Variants in ASB1 observed in about 807,000 individuals in gnomAD.
ASB1 encodes the protein ankyrin repeat and SOCS box containing 1.
ASB1 carries 18 observed loss-of-function variants against 27.7 expected under a neutral mutation model. The observed-to-expected ratio is 0.65, with a 90% CI of 0.45 to 0.96. The LOEUF is 0.96. Ranked by LOEUF, ASB1 falls within the 50% of genes least tolerant of loss-of-function variation. ASB1 has a pLI of 0.00. For missense variants in ASB1, 397 were observed against 451.7 expected, an observed-to-expected ratio of 0.88 and a Z score of 1.10; for synonymous variants, 189 against 187.6, an observed-to-expected ratio of 1.01 and a Z score of -0.06.
At position 238,433,630 on chromosome 2, in the gene ASB1, T is replaced by C; in HGVS notation, c.126T>C (p.His42=). 1 of 1,614,120 alleles carries C rather than the reference T, an allele frequency of 6.2e-7. No individual in the cohort carries two copies. The highest frequency in any genetic ancestry group is 8.5e-7 in the Non-Finnish European group (1 of 1,180,002). The part of the protein sequence containing the change: ...PLEHCEDTRL[H]DAAYVGDLQT... ...AGCACTGTGAGGACACGAGGCTCCA[T>C]GATGCAGCTTACGTCGGGGACCTCC... The change falls in exon 2 of 5, where the codon CAT becomes CAC. Residue 42 remains histidine, a synonymous_variant. Coordinates refer to ENST00000264607, the MANE Select transcript of ASB1 (RefSeq NM_001040445.3).
chr2:238,445,672 G>A (rs1702166557), intron 4 of ASB1, among the ~76,000 whole-genome samples: 1 of 152,146 alleles, frequency 6.6e-6, no homozygotes, highest in Non-Finnish European at 1.5e-5. Flanking sequence ...CCCAGTCTGG[G>A]TCTTGAGACA....
chr2:238,445,475 T>C (rs1378058004), intron 4 of ASB1, among the ~76,000 whole-genome samples: 1 of 152,230 alleles, frequency 6.6e-6, no homozygotes, highest in African/African-American at 2.4e-5. Context: ...CTAAATTTTG[T>C]AACAATAAAG....
intron 1 of ASB1, among the ~76,000 whole-genome samples, chr2:238,432,206 TA>T: frequency 6.6e-6 from 1 of 152,280 alleles, no homozygotes; most frequent in South Asian, 2.1e-4. Flanking sequence ...GTACACTTAC[TA>T]AAAACCAAAA....
rs187315279 is a variant in ASB1 at position 238,446,035 on chromosome 2, G to A, written c.881-349G>A. Among the ~76,000 whole-genome samples, 339 of 152,352 alleles carry A rather than the reference G, an allele frequency of 2.2e-3. 1 individual carries two copies. The highest frequency in any genetic ancestry group is 7.5e-3 in the African/African-American group (311 of 41,578). ...GGGAAGGGGCTGACAGAGGCTGGGC[G>A]TCCGCGGCCCGCACCTGCTGGGGCC... On this transcript the variant is annotated intron_variant, in intron 4 of 4. Coordinates refer to ENST00000264607, the MANE Select transcript of ASB1 (RefSeq NM_001040445.3).
At chr2:238,427,319 TCTC>T (rs1574998772) in intron 1 of ASB1, 200 bp downstream of exon 1, 2 of 382,052 alleles carry the variant, frequency 5.2e-6, no homozygotes, top group Non-Finnish European at 4.6e-6. Flanking sequence ...CGCGCTGCCC[TCTC>T]CTCGGCCTCG....
chr2:238,436,589 C>T (rs1366398731), intron 3 of ASB1, among the ~76,000 whole-genome samples: 1 of 152,110 alleles, frequency 6.6e-6, no homozygotes, highest in Non-Finnish European at 1.5e-5. Context: ...GCCTCAAACT[C>T]CTGGGCTCAA....
At chr2:238,435,008 C>T (rs533831323) in intron 2 of ASB1, among the ~76,000 whole-genome samples, 9 of 152,260 alleles carry the variant, frequency 5.9e-5, no homozygotes, top group African/African-American at 2.2e-4. Context: ...TGGTTTGGTG[C>T]TCTGGGCCTC....
chr2:238,444,116 A>G (rs1189931985), intron 3 of ASB1, among the ~76,000 whole-genome samples: 1 of 152,198 alleles, frequency 6.6e-6, no homozygotes, highest in Non-Finnish European at 1.5e-5. Flanking sequence ...GGTTTGAAGG[A>G]CTTCCCTTAG....
At position 238,448,803 on chromosome 2, in the gene ASB1, C is replaced by A. The variant is rs925072240; in HGVS notation, c.*2292C>A. The A allele has an allele frequency of 2.0e-5, 3 of 152,460 alleles. No individual in the cohort carries two copies. Among genetic ancestry groups the A allele is most frequent in the Admixed American group, 2.0e-4 (3 of 15,292 alleles). 9.4% of individuals were successfully genotyped at this position (152,460 alleles called of 1,614,324 possible). On this transcript the variant is annotated 3_prime_UTR_variant, in exon 5 of 5. Transcript: ENST00000264607. ...ATGGGCGTCATGCTCCTTTGCACAG[C>A]CCAGGGCCTGTTTTGGAGGGACCAG...
chr2:238,432,263 TG>T (rs1701884538), intron 1 of ASB1, among the ~76,000 whole-genome samples: 1 of 152,232 alleles, frequency 6.6e-6, no homozygotes, highest in African/African-American at 2.4e-5. Context: ...GAATATTTTT[TG>T]TGACATCTGA....
chr2:238,435,593 G>A (rs1388434125), intron 2 of ASB1, 118 bp from the exon 3 acceptor site: 25 of 1,051,410 alleles, frequency 2.4e-5, no homozygotes, highest in Non-Finnish European at 3.2e-5. Flanking sequence ...CAGAGCCCAG[G>A]TGGAGGCGTT....
chr2:238,439,530 C>T (rs150549384), intron 3 of ASB1, among the ~76,000 whole-genome samples: 2 of 152,284 alleles, frequency 1.3e-5, no homozygotes, highest in East Asian at 1.9e-4. Flanking sequence ...CTGCACCCTG[C>T]GTGTTCTGGT....
chr2:238,439,238 T>G (rs1015131629), intron 3 of ASB1, among the ~76,000 whole-genome samples: 2 of 152,110 alleles, frequency 1.3e-5, no homozygotes, highest in Admixed American at 1.3e-4. Flanking sequence ...GTGGGTGGTG[T>G]TTGTGTTTGT....
chr2:238,438,882 A>G (rs1702023576), intron 3 of ASB1, among the ~76,000 whole-genome samples: 1 of 152,210 alleles, frequency 6.6e-6, no homozygotes, highest in Non-Finnish European at 1.5e-5. Context: ...AGTTATATTG[A>G]TTTATTGAGT....
In ASB1 at chr2:238,448,446, C is replaced by G. The variant is rs1379763892; in HGVS notation, c.*1935C>G. 6.6e-6 allele frequency: 1 copy of G among 152,254 alleles called. No individual in the cohort carries two copies. Among genetic ancestry groups the G allele is most frequent in the Non-Finnish European group, 1.5e-5 (1 of 68,094 alleles). 9.4% of individuals were successfully genotyped at this position (152,254 alleles called of 1,614,324 possible). On this transcript the variant is annotated 3_prime_UTR_variant, in exon 5 of 5. Transcript: ENST00000264607. ...GCTTTCAGGGAGGCTGGTTAGCTCC[C>G]TGCACTCTGGCTCTTTACTGGCTTA... is the stretch of plus-strand genomic sequence containing the variant.
At chr2:238,430,429 T>G (rs1174040354) in intron 1 of ASB1, among the ~76,000 whole-genome samples, 1 of 152,256 alleles carries the variant, frequency 6.6e-6, no homozygotes, top group Non-Finnish European at 1.5e-5. Context: ...AGTCACATCT[T>G]CAGGCTGTAA....
chr2:238,442,732 G>A (rs997157179), intron 3 of ASB1, among the ~76,000 whole-genome samples: 13 of 152,126 alleles, frequency 8.5e-5, no homozygotes, highest in Admixed American at 8.5e-4. Flanking sequence ...ATGCTATGGT[G>A]AATGGATATA....
At chr2:238,443,556 C>A (rs543082852) in intron 3 of ASB1, among the ~76,000 whole-genome samples, 1 of 152,292 alleles carries the variant, frequency 6.6e-6, no homozygotes, top group Non-Finnish European at 1.5e-5. Flanking sequence ...CAACAGGAGG[C>A]TGGAAAGCAG....
chr2:238,446,347 C>T, intron 4 of ASB1, 37 bp from the exon 5 acceptor site: 1 of 1,550,486 alleles, frequency 6.4e-7, no homozygotes, highest in Non-Finnish European at 8.7e-7. Context: ...TAGAATGAAC[C>T]TTCCTCTATC....
Sources: gnomAD v4.1 joint callset for allele counts (sites outside exome capture counted in the v4.1 genomes callset) on GRCh38, gnomAD v4.1.1 for gene constraint, MANE v1.5 for transcripts, NCBI Gene and HGNC (gene_info 2026-07-23, HGNC 2026-07-21) for gene names.